TEX14: variants seen among roughly 807,000 people sequenced by gnomAD.
The protein encoded by TEX14 is testis expressed 14, intercellular bridge forming factor.
TEX14 carries 168 observed loss-of-function variants against 178.6 expected under a neutral mutation model. The ratio of observed to expected loss-of-function variants is 0.94; its 90% CI spans 0.83 to 1.07. TEX14 has a LOEUF of 1.07. Among genes scored for constraint, TEX14 ranks in the 50% least tolerant of loss-of-function variants. TEX14 has a pLI of 0.00. For missense variants in TEX14, 1,730 were observed against 1,753.6 expected (o/e 0.99, Z 0.24); for synonymous variants, 626 against 634.1 (o/e 0.99, Z 0.19).
chr17:58,599,431 C>T lies in TEX14; in HGVS notation c.1914G>A (p.Glu638=). The T allele has an allele frequency of 1.2e-6, 2 of 1,614,156 alleles. No individual in the cohort carries two copies. The highest frequency in any genetic ancestry group is 1.7e-6 in the Non-Finnish European group (2 of 1,180,024). ...CCAAAGATGAAGCAGCTCCTGGAGG[C>T]TCTTCTATGTCATCTTCCAAAATCA... ...GCLILEDDIE[E]PPGAASSLEA... is the part of the protein sequence containing the mutation. The change falls in exon 14 of 32, where the codon GAG becomes GAA. Residue 638 remains glutamate, a synonymous_variant. Coordinates refer to ENST00000349033, the MANE Select transcript of TEX14 (RefSeq NM_031272.5).
chr17:58,595,793 A>C lies in TEX14; in HGVS notation c.2470-2132T>G, dbSNP rs903537475. On this transcript the variant is annotated intron_variant, in intron 14 of 31. Transcript: ENST00000349033. The stretch of plus-strand genomic sequence containing the variant: ...AACCTGTCAAATTCCTGACCCACAG[A>C]ATTGTGAGAAATAATAAACTATTGT... 5.3e-5 allele frequency among the ~76,000 whole-genome samples: 8 copies of C among 152,360 alleles called. 1 individual carries two copies. The East Asian group carries it at 1.5e-3, about 29-fold the overall frequency.
chr17:58,562,065 A>C (rs2044284624), intron 28 of TEX14, among the ~76,000 whole-genome samples: 1 of 152,174 alleles, frequency 6.6e-6, no homozygotes, highest in Admixed American at 6.5e-5. Context: ...AGCCTGGGTG[A>C]CAGAGCAAGA....
At chr17:58,634,342 G>A (rs889170623) in intron 2 of TEX14, among the ~76,000 whole-genome samples, 3 of 152,136 alleles carry the variant, frequency 2.0e-5, no homozygotes, top group Non-Finnish European at 2.9e-5. Flanking sequence ...GAACCCGAGA[G>A]GTAGAGGTTG....
chr17:58,688,910 C>T (rs961780368), intron 1 of TEX14, among the ~76,000 whole-genome samples: 1 of 151,998 alleles, frequency 6.6e-6, no homozygotes, highest in Non-Finnish European at 1.5e-5. Flanking sequence ...CATTTTACCC[C>T]CACATTTTGT....
Position 58,650,720 on chromosome 17 carries a change from GC to G in TEX14, c.136+1145del, listed in dbSNP as rs2046822590. 2.0e-5 allele frequency among the ~76,000 whole-genome samples: 3 copies of G among 151,940 alleles called. No homozygotes were observed. The South Asian group carries it at 6.2e-4, about 32-fold the overall frequency. ...ACTCCTGGCTTCAAGCAATTCTCTT[GC>G]CTCAGCCTCCCAAAGTGCTCGGTTT... On this transcript the variant is annotated intron_variant, in intron 2 of 31. Transcript: ENST00000349033.
chr17:58,629,808 CT>C (rs2046239447), intron 3 of TEX14, among the ~76,000 whole-genome samples: 1 of 150,672 alleles, frequency 6.6e-6, no homozygotes, highest in Admixed American at 6.6e-5. Context: ...GCACTCCAGC[CT>C]GGGCGACAGA....
chr17:58,662,322 T>A (rs1598428278), intron 1 of TEX14, among the ~76,000 whole-genome samples: 1 of 151,018 alleles, frequency 6.6e-6, no homozygotes, highest in South Asian at 2.1e-4. Context: ...TGGTGGCGGG[T>A]GCCTGTAATC....
At chr17:58,672,464 C>T (rs756358434) in intron 1 of TEX14, among the ~76,000 whole-genome samples, 2 of 152,190 alleles carry the variant, frequency 1.3e-5, no homozygotes, top group Admixed American at 6.5e-5. Flanking sequence ...GACAGAGTCT[C>T]GCTCTATCAC....
chr17:58,620,485 C>T (rs1364735696), intron 5 of TEX14, among the ~76,000 whole-genome samples: 1 of 151,410 alleles, frequency 6.6e-6, no homozygotes, highest in Non-Finnish European at 1.5e-5. Context: ...AGCACACCAA[C>T]ACACTCGGCT....
intron 10 of TEX14, among the ~76,000 whole-genome samples, chr17:58,607,873 A>G (rs2144503250): frequency 6.6e-6 from 1 of 152,248 alleles, no homozygotes; most frequent in East Asian, 1.9e-4. Context: ...CATGCCTGTA[A>G]TCCCAGTACT....
chr17:58,630,642 A>T, intron 2 of TEX14, 88 bp from the exon 3 acceptor site: 2 of 870,562 alleles, frequency 2.3e-6, no homozygotes. Context: ...ACATATTTTT[A>T]TAGTGTACTT....
intron 1 of TEX14, among the ~76,000 whole-genome samples, chr17:58,676,677 T>C (rs79176705): frequency 4.6e-5 from 7 of 152,182 alleles, no homozygotes; most frequent in East Asian, 1.9e-4. Context: ...CTATAGTCAT[T>C]GTTAAGAGCA....
chr17:58,658,803 T>G (rs1305803625), intron 1 of TEX14, among the ~76,000 whole-genome samples: 2 of 152,134 alleles, frequency 1.3e-5, no homozygotes, highest in Non-Finnish European at 2.9e-5. Flanking sequence ...CCAGGAATTT[T>G]TTTTTTTTAC....
intron 1 of TEX14, chr17:58,661,520 T>C (rs1217474838): frequency 1.3e-6 from 1 of 779,976 alleles, no homozygotes; most frequent in South Asian, 1.3e-5. Context: ...TCCTTCGACT[T>C]CGTCCAGAAG....
intron 28 of TEX14, 87 bp downstream of exon 28, chr17:58,564,782 C>T: frequency 1.3e-6 from 1 of 763,080 alleles, no homozygotes; most frequent in Non-Finnish European, 2.0e-6. Flanking sequence ...CACTTTTTTT[C>T]TTTCTTATTT....
intron 1 of TEX14, among the ~76,000 whole-genome samples, chr17:58,689,924 A>G (rs1318980933): frequency 5.4e-5 from 8 of 147,450 alleles, no homozygotes; most frequent in Admixed American, 2.8e-4. Flanking sequence ...ATCTAGGCTC[A>G]CTGCAAGCTC....
intron 10 of TEX14, among the ~76,000 whole-genome samples, chr17:58,610,329 G>A (rs1298302389): frequency 6.6e-6 from 1 of 152,182 alleles, no homozygotes; most frequent in Non-Finnish European, 1.5e-5. Context: ...GCACAGCTCA[G>A]CTTCCCTCCA....
At chr17:58,601,664 A>G in intron 13 of TEX14, 142 bp downstream of exon 13, 2 of 743,818 alleles carry the variant, frequency 2.7e-6, no homozygotes, top group Non-Finnish European at 4.5e-6. Flanking sequence ...ACTGTACTCC[A>G]GTCTGGGCAA....
At chr17:58,623,179 TGTACAC>T (rs1197033464) in intron 3 of TEX14, among the ~76,000 whole-genome samples, 167 bp from the exon 4 acceptor site, 1 of 140,420 alleles carries the variant, frequency 7.1e-6, no homozygotes, top group African/African-American at 3.1e-5. Context: ...AGGAACTTTC[TGTACAC>T]ACACACACAC....
Sources: allele counts gnomAD v4.1 joint callset (sites outside exome capture counted in the v4.1 genomes callset), GRCh38; gene constraint gnomAD v4.1.1; transcripts MANE v1.5; gene names NCBI Gene and HGNC (gene_info 2026-07-23, HGNC 2026-07-21).